The following IBTK variants were observed in gnomAD, a reference collection of about 807,000 sequenced individuals.
The protein encoded by IBTK is BTK-binding protein.
In IBTK, 83 loss-of-function variants were observed where a neutral mutation model predicts 154.9. The observed-to-expected ratio is 0.54, with a 90% CI of 0.45 to 0.64. IBTK has a LOEUF of 0.64. IBTK is among the 30% of genes least tolerant of loss of function. The pLI, the probability that IBTK is intolerant of heterozygous loss-of-function variation, is 0.00. For missense variants in IBTK, 1,332 were observed against 1,584.6 expected, an observed-to-expected ratio of 0.84 and a Z score of 2.71; for synonymous variants, 515 against 536.1, an observed-to-expected ratio of 0.96 and a Z score of 0.54.
intron 26 of IBTK, among the ~76,000 whole-genome samples, chr6:82,180,479 T>C (rs555842666): frequency 6.6e-6 from 1 of 152,284 alleles, no homozygotes; most frequent in East Asian, 1.9e-4. Flanking sequence ...CTTGAACCCC[T>C]GGACTCAAGT....
rs776170222 is a variant in IBTK at position 82,196,278 on chromosome 6, T to G, written c.3174+20A>C. ...AATCTAAAATCTGAAGGTAAGGAGG[T>G]AGTGCTTCAAAAAACAAACCTCAAT... is the stretch of plus-strand genomic sequence containing the variant. On this transcript the variant is annotated intron_variant, in intron 22 of 28. Coordinates refer to ENST00000306270, the MANE Select transcript of IBTK (RefSeq NM_015525.4). 3.2e-6 allele frequency: 5 copies of G among 1,567,156 alleles called. No homozygotes were observed. In the South Asian group the frequency reaches 6.2e-5, roughly 19 times the overall value.
chr6:82,211,284 T>G, intron 15 of IBTK, 83 bp downstream of exon 15: 1 of 1,091,786 alleles, frequency 9.2e-7, no homozygotes, highest in South Asian at 1.7e-5. Flanking sequence ...CCAGTTCTGA[T>G]TTTGAATTTC....
At chr6:82,223,177 G>GA (rs1035497319) in intron 8 of IBTK, among the ~76,000 whole-genome samples, 1 of 151,406 alleles carries the variant, frequency 6.6e-6, no homozygotes, top group South Asian at 2.1e-4. Context: ...TACAAAAAAA[G>GA]AAAAAAATAT....
At chr6:82,197,198 T>G (rs1173591833) in intron 21 of IBTK, among the ~76,000 whole-genome samples, 1 of 152,166 alleles carries the variant, frequency 6.6e-6, no homozygotes, top group African/African-American at 2.4e-5. Flanking sequence ...AATAAAGATG[T>G]TATCTAACTT....
chr6:82,227,763 T>TATAAA (rs1770348834), intron 4 of IBTK, among the ~76,000 whole-genome samples: 2 of 152,082 alleles, frequency 1.3e-5, no homozygotes, highest in Admixed American at 1.3e-4. Flanking sequence ...ATAAAGCCAT[T>TATAAA]TATACATGGC....
chr6:82,234,177 C>G lies in IBTK; in HGVS notation c.400G>C (p.Val134Leu). The G allele has an allele frequency of 6.3e-7, 1 of 1,593,688 alleles. No individual in the cohort carries two copies. The highest frequency in any genetic ancestry group is 8.6e-7 in the Non-Finnish European group (1 of 1,163,464). Residue 134 changes from valine to leucine, a missense_variant, in exon 3 of 29, where the codon GTA becomes CTA. Physicochemically the swap from Val to Leu is conservative, Grantham distance 32 (BLOSUM62 1). This residue lies in a region of IBTK where 114 missense variants were observed against 213.7 expected (regional missense o/e 0.53). Transcript: ENST00000306270. Reference sequence around the variant, plus strand: ...TTCTTACCAGTATTCTTGAATACTACATGAGTTGGTCTATCCTTCATTACA... The same window carrying G: ...TTCTTACCAGTATTCTTGAATACTAGATGAGTTGGTCTATCCTTCATTACA... Reference protein sequence around the residue: ...DLVMKDRPTHVVFKNTDPTDV... With the variant: ...DLVMKDRPTHLVFKNTDPTDV...
At chr6:82,192,581 T>C (rs761676490) in intron 23 of IBTK, among the ~76,000 whole-genome samples, 14 of 151,414 alleles carry the variant, frequency 9.2e-5, no homozygotes, top group Non-Finnish European at 1.5e-4. Flanking sequence ...ATCCCGTCAC[T>C]ACTAAAAATA....
At chr6:82,226,847 C>T (rs572443445) in intron 5 of IBTK, among the ~76,000 whole-genome samples, 3 of 152,152 alleles carry the variant, frequency 2.0e-5, no homozygotes, top group Non-Finnish European at 4.4e-5. Flanking sequence ...CTCAGGTGAT[C>T]CGCCTGCTTC....
intron 3 of IBTK, among the ~76,000 whole-genome samples, chr6:82,232,158 G>A (rs1770535368): frequency 6.6e-6 from 1 of 151,680 alleles, no homozygotes; most frequent in African/African-American, 2.4e-5. Flanking sequence ...GCCCCCCAAA[G>A]TGCTAGGATT....
chr6:82,210,014 T>C (rs1769568078), intron 16 of IBTK, among the ~76,000 whole-genome samples: 1 of 152,194 alleles, frequency 6.6e-6, no homozygotes, highest in African/African-American at 2.4e-5. Context: ...ATCCCCAGTA[T>C]ACAGCTGGGG....
chr6:82,241,050 T>C (rs748685634), intron 1 of IBTK, among the ~76,000 whole-genome samples: 1 of 152,166 alleles, frequency 6.6e-6, no homozygotes, highest in African/African-American at 2.4e-5. Context: ...CAAAAAACAT[T>C]TGCAACCTCT....
chr6:82,172,506 C>G lies in IBTK; in HGVS notation c.3804G>C (p.Trp1268Cys). 6.2e-7 allele frequency: 1 copy of G among 1,606,744 alleles called. No homozygotes were observed. Among genetic ancestry groups the G allele is most frequent in the Non-Finnish European group, 8.5e-7 (1 of 1,177,976 alleles). Reference protein sequence around the residue: ...DLPLLDSPNPWLSSSVTAPSM... With the variant: ...DLPLLDSPNPCLSSSVTAPSM... ...ATGGAGCAGTCACTGAAGAAGATAGCCAGGGACTGAAAGAATAATAATAAT... is the reference window on the plus strand; with the variant it reads ...ATGGAGCAGTCACTGAAGAAGATAGGCAGGGACTGAAAGAATAATAATAAT... Residue 1268 changes from tryptophan to cysteine, a missense_variant, in exon 28 of 29, where the codon TGG (tryptophan) becomes TGC (cysteine). Transcript: ENST00000306270.
intron 23 of IBTK, among the ~76,000 whole-genome samples, chr6:82,192,134 C>T (rs1768792090): frequency 6.6e-6 from 1 of 151,570 alleles, no homozygotes; most frequent in South Asian, 2.1e-4. Flanking sequence ...AATATGTATC[C>T]AAAGTCATAA....
rs1582261387 is a variant in IBTK at position 82,239,636 on chromosome 6, A to C, written c.321+530T>G. On this transcript the variant is annotated intron_variant, in intron 2 of 28. Coordinates refer to ENST00000306270, the MANE Select transcript of IBTK (RefSeq NM_015525.4). Reference sequence around the variant, plus strand: ...GTAAAATGAAACTAGAGTCTTTACCAATCAGAAACCACCAACTAACCTCTA... The same window carrying C: ...GTAAAATGAAACTAGAGTCTTTACCCATCAGAAACCACCAACTAACCTCTA... 2.8e-5 allele frequency among the ~76,000 whole-genome samples: 3 copies of C among 108,596 alleles called. No individual in the cohort carries two copies. The South Asian group carries it at 8.9e-4, about 32-fold the overall frequency. 71.2% of individuals were successfully genotyped at this position (108,596 alleles called of 152,430 possible). A position where few individuals can be genotyped will look rare whatever the true frequency, so the allele number is the denominator to read the frequency against.
At position 82,204,895 on chromosome 6, in the gene IBTK, C is replaced by A. The variant is rs370183816; in HGVS notation, c.2573G>T (p.Arg858Leu). ...LVVADQLLITRLKEICEVALT... is the reference protein window; with the variant it reads ...LVVADQLLITLLKEICEVALT... ...TGCTACTTCACAAATCTCTTTCAACCGGGTTATGAGAAGTTGATCAGCCAC... is the reference window on the plus strand; with the variant it reads ...TGCTACTTCACAAATCTCTTTCAACAGGGTTATGAGAAGTTGATCAGCCAC... Residue 858 changes from arginine to leucine, a missense_variant, in exon 17 of 29, where the codon CGG (arginine) becomes CTG (leucine). Physicochemically the swap from Arg to Leu is moderately radical, Grantham distance 102. Coordinates refer to ENST00000306270, the MANE Select transcript of IBTK (RefSeq NM_015525.4). 2 of 1,606,842 alleles carry A rather than the reference C, an allele frequency of 1.2e-6. No homozygotes were observed. Among genetic ancestry groups the A allele is most frequent in the Admixed American group, 3.4e-5 (2 of 59,208 alleles).
rs554199622 is a variant in IBTK at position 82,232,054 on chromosome 6, T to G, written c.419-212A>C. Among the ~76,000 whole-genome samples, 1,114 of 118,660 alleles carry G rather than the reference T, an allele frequency of 9.4e-3. 14 individuals carry two copies. In the East Asian group the frequency reaches 0.097, roughly 10 times the overall value. 77.8% of individuals were successfully genotyped at this position (118,660 alleles called of 152,430 possible). On this transcript the variant is annotated intron_variant, in intron 3 of 28. Coordinates refer to ENST00000306270, the MANE Select transcript of IBTK (RefSeq NM_015525.4). ...CATTTGTTCCTTGCTTCTTTTTTTT[T>G]TGTTGTTGTTTTTTTTTAATAATTG...
intron 26 of IBTK, chr6:82,174,912 T>C (rs1768055013): frequency 2.2e-6 from 1 of 454,482 alleles, no homozygotes; most frequent in Non-Finnish European, 4.4e-6. Flanking sequence ...ATTTTTACTA[T>C]TCCCCTTATT....
chr6:82,227,342 T>G, intron 4 of IBTK, 40 bp from the exon 5 acceptor site: 2 of 1,157,952 alleles, frequency 1.7e-6, no homozygotes, highest in Non-Finnish European at 2.5e-6. Flanking sequence ...CTTCTCTGAA[T>G]AAAATATCCT....
intron 22 of IBTK, 79 bp from the exon 23 acceptor site, chr6:82,194,721 T>C: frequency 1.1e-6 from 1 of 873,730 alleles, no homozygotes; most frequent in South Asian, 3.9e-5. Flanking sequence ...TTAATAAATA[T>C]TAGTTACATT....
Sources: gnomAD v4.1 joint callset for allele counts (sites outside exome capture counted in the v4.1 genomes callset) on GRCh38, gnomAD v4.1.1 for gene constraint, gnomAD v4.1.1 regional missense constraint, MANE v1.5 for transcripts, NCBI Gene and HGNC (gene_info 2026-07-23, HGNC 2026-07-21) for gene names.